Variants in CNTNAP2 observed in about 807,000 individuals in gnomAD.
The protein encoded by CNTNAP2 is contactin associated protein 2, also known as contactin-associated protein-like 2.
A neutral mutation model predicts 155.2 loss-of-function variants in CNTNAP2; 98 were observed. The observed-to-expected ratio is 0.63, with a 90% CI of 0.54 to 0.75. CNTNAP2 has a LOEUF of 0.75. CNTNAP2 is among the 30% of genes least tolerant of loss of function. CNTNAP2 has a pLI of 0.00. For missense variants in CNTNAP2, 1,727 were observed against 1,688.1 expected (o/e 1.02, Z -0.40); for synonymous variants, 651 against 631.2 (o/e 1.03, Z -0.47).
In CNTNAP2 at chr7:146,333,234, G is replaced by A. The variant is rs555161750; in HGVS notation, c.97+216261G>A. Among the ~76,000 whole-genome samples, 5 of 152,104 alleles carry A rather than the reference G, an allele frequency of 3.3e-5. No individual in the cohort carries two copies. The South Asian group carries it at 6.2e-4, about 19-fold the overall frequency. On this transcript the variant is annotated intron_variant, in intron 1 of 23. Coordinates refer to ENST00000361727, the MANE Select transcript of CNTNAP2 (RefSeq NM_014141.6). ...TGTTGGGATTACTAGCATGAGCCAC[G>A]ATGCCCGGCCCCCATTTCTTCTTGT...
intron 9 of CNTNAP2, among the ~76,000 whole-genome samples, chr7:147,348,871 G>A (rs749081667): frequency 2.0e-5 from 3 of 151,904 alleles, no homozygotes; most frequent in African/African-American, 4.8e-5. Flanking sequence ...AAGACACTGT[G>A]TAAGTGTCAG....
chr7:146,168,750 G>C (rs1798348471), intron 1 of CNTNAP2, among the ~76,000 whole-genome samples: 1 of 152,032 alleles, frequency 6.6e-6, no homozygotes, highest in African/African-American at 2.4e-5. Flanking sequence ...CTACCCAATG[G>C]TTTACCAGCT....
At chr7:146,633,832 G>GAAAAAAAAAAAAAAA (rs60993956) in intron 1 of CNTNAP2, among the ~76,000 whole-genome samples, 88 of 79,022 alleles carry the variant, frequency 1.1e-3, no homozygotes, top group African/African-American at 2.4e-3. Context: ...TGCATCTAGA[G>GAAAAAAAAAAAAAAA]AAAAAAAAAA....
chr7:147,660,434 G>C (rs114493258), intron 13 of CNTNAP2, among the ~76,000 whole-genome samples: 17 of 152,274 alleles, frequency 1.1e-4, no homozygotes, highest in African/African-American at 3.9e-4. Flanking sequence ...TTTCACAGGA[G>C]ACCCAGTGCT....
chr7:146,514,490 G>A (rs1797512722), intron 1 of CNTNAP2, among the ~76,000 whole-genome samples: 1 of 151,878 alleles, frequency 6.6e-6, no homozygotes, highest in Admixed American at 6.6e-5. Context: ...TCCTCTGGTT[G>A]ATCAGTCCTG....
chr7:147,892,390 A>C (rs1314694522), intron 13 of CNTNAP2, among the ~76,000 whole-genome samples: 3 of 152,214 alleles, frequency 2.0e-5, no homozygotes, highest in Non-Finnish European at 4.4e-5. Context: ...AGAAACAAAT[A>C]GCATATGTTT....
chr7:146,584,373 G>A (rs1439187409), intron 1 of CNTNAP2, among the ~76,000 whole-genome samples: 1 of 152,218 alleles, frequency 6.6e-6, no homozygotes, highest in Non-Finnish European at 1.5e-5. Context: ...AAAACTGTCA[G>A]AAGGGTACCT....
intron 9 of CNTNAP2, among the ~76,000 whole-genome samples, chr7:147,370,814 T>A (rs1419561132): frequency 2.0e-5 from 3 of 152,092 alleles, no homozygotes; most frequent in African/African-American, 7.2e-5. Context: ...GAATCACTTA[T>A]TTTTTTAATT....
At chr7:147,164,854 T>G (rs1802087599) in intron 8 of CNTNAP2, among the ~76,000 whole-genome samples, 1 of 152,168 alleles carries the variant, frequency 6.6e-6, no homozygotes, top group Admixed American at 6.5e-5. Flanking sequence ...CTTTAAAGAT[T>G]TCAAATGAGA....
intron 1 of CNTNAP2, among the ~76,000 whole-genome samples, chr7:146,602,130 T>A (rs963952873): frequency 3.3e-5 from 5 of 152,266 alleles, no homozygotes; most frequent in East Asian, 1.9e-4. Flanking sequence ...GGATGTCATA[T>A]GCTCAGTATG....
chr7:147,323,904 A>T (rs2116826067), intron 9 of CNTNAP2, among the ~76,000 whole-genome samples: 1 of 152,286 alleles, frequency 6.6e-6, no homozygotes, highest in African/African-American at 2.4e-5. Flanking sequence ...TTAATTTGAG[A>T]GAAAAATGGA....
chr7:147,536,110 T>C (rs1799532997), intron 11 of CNTNAP2, among the ~76,000 whole-genome samples: 1 of 152,178 alleles, frequency 6.6e-6, no homozygotes, highest in African/African-American at 2.4e-5. Context: ...AAGACAACTT[T>C]TAAAATTATT....
chr7:147,220,115 C>T (rs1803361783), intron 8 of CNTNAP2, among the ~76,000 whole-genome samples: 1 of 151,974 alleles, frequency 6.6e-6, no homozygotes, highest in African/African-American at 2.4e-5. Context: ...AAAGGTCCTG[C>T]CTCTCAACAC....
chr7:148,399,406 A>G (rs1483478102), intron 22 of CNTNAP2, among the ~76,000 whole-genome samples: 4 of 152,136 alleles, frequency 2.6e-5, no homozygotes, highest in Non-Finnish European at 5.9e-5. Context: ...ACATAGCAAG[A>G]CCCTGTCTCT....
chr7:146,762,927 G>A (rs1012434996), intron 1 of CNTNAP2, among the ~76,000 whole-genome samples: 1 of 152,126 alleles, frequency 6.6e-6, no homozygotes, highest in African/African-American at 2.4e-5. Context: ...TCCCTCCCAT[G>A]ACATGTGGGA....
chr7:147,762,140 C>G (rs974461239), intron 13 of CNTNAP2, among the ~76,000 whole-genome samples: 1 of 136,060 alleles, frequency 7.3e-6, no homozygotes, highest in Non-Finnish European at 1.5e-5. Flanking sequence ...GTTTCTCTCT[C>G]TCTCTCTCTC....
chr7:146,494,131 G>A (rs563611263), intron 1 of CNTNAP2, among the ~76,000 whole-genome samples: 68 of 152,170 alleles, frequency 4.5e-4, no homozygotes, highest in Non-Finnish European at 8.4e-4. Flanking sequence ...TCAGGAGATC[G>A]AGACCATCCT....
chr7:146,953,469 GTCAT>G (rs1169081478), intron 3 of CNTNAP2, among the ~76,000 whole-genome samples: 2 of 151,914 alleles, frequency 1.3e-5, no homozygotes, highest in Non-Finnish European at 2.9e-5. Flanking sequence ...TATTGCATTT[GTCAT>G]TCATTCAGTA....
At chr7:146,241,567 A>C (rs1799562962) in intron 1 of CNTNAP2, among the ~76,000 whole-genome samples, 1 of 152,252 alleles carries the variant, frequency 6.6e-6, no homozygotes, top group East Asian at 1.9e-4. Context: ...CAAGACTTAT[A>C]ATAACTCATT....
Sources: allele counts gnomAD v4.1 joint callset (sites outside exome capture counted in the v4.1 genomes callset), GRCh38; gene constraint gnomAD v4.1.1; transcripts MANE v1.5; gene names NCBI Gene and HGNC (gene_info 2026-07-23, HGNC 2026-07-21).